TCTN3: variants seen among roughly 807,000 people sequenced by gnomAD.
TCTN3 encodes tectonic family member 3, also known as tectonic-3.
Under a neutral mutation model 71.3 loss-of-function variants are expected in TCTN3, and 57 were observed. The ratio of observed to expected loss-of-function variants is 0.80; its 90% CI spans 0.65 to 1.00. The LOEUF is 1.00. Among genes scored for constraint, TCTN3 ranks in the 50% least tolerant of loss-of-function variants. The pLI is 0.00. For missense variants in TCTN3, 696 were observed against 719.9 expected, an observed-to-expected ratio of 0.97 and a Z score of 0.38; for synonymous variants, 258 against 267.8, an observed-to-expected ratio of 0.96 and a Z score of 0.36.
chr10:95,670,728 ACACGGCT>A (rs1372587118), intron 13 of TCTN3, among the ~76,000 whole-genome samples: 1 of 151,666 alleles, frequency 6.6e-6, no homozygotes, highest in Non-Finnish European at 1.5e-5. Flanking sequence ...AGTGGTACAA[ACACGGCT>A]CACTGCACCC....
At chr10:95,688,731 C>A (rs1170710876) in intron 3 of TCTN3, among the ~76,000 whole-genome samples, 3 of 152,138 alleles carry the variant, frequency 2.0e-5, no homozygotes. Flanking sequence ...TGGAAGAATT[C>A]TCTAATTTCT....
At chr10:95,690,714 T>C (rs1309553615) in intron 3 of TCTN3, among the ~76,000 whole-genome samples, 1 of 152,218 alleles carries the variant, frequency 6.6e-6, no homozygotes, top group South Asian at 2.1e-4. Context: ...AGCTGGATGT[T>C]ATTTTATGGA....
At chr10:95,693,125 T>C in intron 2 of TCTN3, 87 bp from the exon 3 acceptor site, 1 of 1,241,144 alleles carries the variant, frequency 8.1e-7, no homozygotes, top group Non-Finnish European at 1.1e-6. Flanking sequence ...GGCCAGATGA[T>C]GCCAAAGAGG....
chr10:95,689,734 A>G (rs2097951904), intron 3 of TCTN3, among the ~76,000 whole-genome samples: 1 of 152,232 alleles, frequency 6.6e-6, no homozygotes, highest in Non-Finnish European at 1.5e-5. Context: ...TTACACCTAA[A>G]AGAGCTTAAA....
rs528455101 is a variant in TCTN3, at chr10:95,691,085, G to A, written c.499+1835C>T. ...CAGGAGTGGGGATCAAAAGCAGGGA[G>A]CACCAGGTAGGTGCCATTGCAATAA... is the stretch of plus-strand genomic sequence containing the variant. On this transcript the variant is annotated intron_variant, in intron 3 of 13. Transcript: ENST00000371217. Among the ~76,000 whole-genome samples the A allele has an allele frequency of 6.8e-4, 104 of 152,308 alleles. 1 individual carries two copies. Among genetic ancestry groups the A allele is most frequent in the African/African-American group, 2.4e-3 (99 of 41,560 alleles).
intron 3 of TCTN3, 51 bp from the exon 4 acceptor site, chr10:95,687,770 A>G: frequency 6.4e-7 from 1 of 1,573,176 alleles, no homozygotes; most frequent in Non-Finnish European, 8.6e-7. Context: ...AAAACATGCC[A>G]AGTAACTAAT....
At chr10:95,686,334 A>G (rs1342606140) in intron 7 of TCTN3, among the ~76,000 whole-genome samples, 161 bp downstream of exon 7, 1 of 152,260 alleles carries the variant, frequency 6.6e-6, no homozygotes, top group Non-Finnish European at 1.5e-5. Flanking sequence ...TATTAACTGT[A>G]TAGGACGTAC....
intron 13 of TCTN3, among the ~76,000 whole-genome samples, chr10:95,679,093 T>C (rs1267968597): frequency 2.0e-5 from 3 of 152,220 alleles, no homozygotes; most frequent in Admixed American, 2.0e-4. Flanking sequence ...TCTCGCCCAC[T>C]TAGGCCAGTT....
chr10:95,687,329 GAAGT>G lies in TCTN3; in HGVS notation c.650_653del (p.Tyr217SerfsTer6), dbSNP rs749018985. The G allele has an allele frequency of 3.7e-6, 6 of 1,613,810 alleles. No homozygotes were observed. Among genetic ancestry groups the G allele is most frequent in the African/African-American group, 1.3e-5 (1 of 74,916 alleles). On this transcript the variant is annotated frameshift_variant, in exon 5 of 14. Transcript: ENST00000371217. LOFTEE classifies it high-confidence loss of function. ...GCAAGCTTATTACAGACCACTTGGG[GAAGT>G]AAGTAAGAATGGGGTCCCCAGCCTG...
At chr10:95,686,983 G>A in intron 6 of TCTN3, 61 bp downstream of exon 6, 1 of 1,399,452 alleles carries the variant, frequency 7.1e-7, no homozygotes, top group Non-Finnish European at 1.0e-6. Context: ...CCACAACAGT[G>A]AGAAGCATGT....
At chr10:95,671,736 G>T (rs528729360) in intron 13 of TCTN3, among the ~76,000 whole-genome samples, 1 of 152,178 alleles carries the variant, frequency 6.6e-6, no homozygotes, top group African/African-American at 2.4e-5. Context: ...AGACTCAGGC[G>T]TGTGCCACCT....
At chr10:95,680,759 C>A in intron 12 of TCTN3, 150 bp from the exon 13 acceptor site, 3 of 742,082 alleles carry the variant, frequency 4.0e-6, no homozygotes, top group Non-Finnish European at 6.1e-6. Context: ...CACAATAAGA[C>A]TATGTTATTA....
chr10:95,673,691 T>C lies in TCTN3; in HGVS notation c.1590+6781A>G, dbSNP rs1026436458. On this transcript the variant is annotated intron_variant, in intron 13 of 13. Transcript: ENST00000371217. ...GACTTCATCTCAACAAAATATTAAA[T>C]AGTTGGGCATGGTGGCATGTGCCTG... Among the ~76,000 whole-genome samples the C allele has an allele frequency of 4.6e-5, 7 of 151,918 alleles. No individual in the cohort carries two copies. In the East Asian group the frequency reaches 1.4e-3, roughly 29 times the overall value.
At chr10:95,673,732 C>T (rs776236513) in intron 13 of TCTN3, among the ~76,000 whole-genome samples, 1 of 152,040 alleles carries the variant, frequency 6.6e-6, no homozygotes, top group African/African-American at 2.4e-5. Flanking sequence ...CTAGCTACCT[C>T]GGGAGGCTGA....
intron 10 of TCTN3, 107 bp downstream of exon 10, chr10:95,683,415 T>A (rs1328064830): frequency 6.3e-7 from 1 of 1,582,148 alleles, no homozygotes; most frequent in Non-Finnish European, 8.6e-7. Context: ...TACCTCATTA[T>A]AATGAACAAA....
Position 95,693,675 on chromosome 10 carries a change from G to A in TCTN3, c.225C>T (p.Ala75=). Residue 75 remains alanine, a synonymous_variant, in exon 1 of 14, where the codon GCC becomes GCT. Coordinates refer to ENST00000371217, the MANE Select transcript of TCTN3 (RefSeq NM_015631.6). ...TVVPTLVTPS[A]PGNRTVDLFP... ...AGAGGTCCACAGTCCTATTCCCAGG[G>A]GCCGAGGGAGTCACGAGAGTAGGGA... is the stretch of plus-strand genomic sequence containing the variant. 1 of 1,551,672 alleles carries A rather than the reference G, an allele frequency of 6.4e-7. No individual in the cohort carries two copies. Among genetic ancestry groups the A allele is most frequent in the Non-Finnish European group, 8.7e-7 (1 of 1,146,990 alleles).
In TCTN3 at chr10:95,687,130, T is replaced by C. The variant is rs780438906; in HGVS notation, c.766A>G (p.Thr256Ala). 2.2e-5 allele frequency: 36 copies of C among 1,613,944 alleles called. No individual in the cohort carries two copies. The highest frequency in any genetic ancestry group is 2.9e-5 in the Non-Finnish European group (34 of 1,179,994). The change falls in exon 6 of 14, where the codon ACT (threonine) becomes GCT (alanine). Residue 256 changes from threonine (T) to alanine (A), a missense_variant. Thr to Ala is a moderately conservative substitution (Grantham distance 58). Transcript: ENST00000371217. ...CTAGCCAGGTTCTTGAAAAAACGAGTGCAAGTTGTACTTTTACTCTCTAGG... is the reference window on the plus strand; with the variant it reads ...CTAGCCAGGTTCTTGAAAAAACGAGCGCAAGTTGTACTTTTACTCTCTAGG... Reference protein sequence around the residue: ...GFLESKSTTCTRFFKNLASSC... With the variant: ...GFLESKSTTCARFFKNLASSC...
Position 95,675,854 on chromosome 10 carries a change from G to A in TCTN3, c.1590+4618C>T, listed in dbSNP as rs1446245359. 5.3e-5 allele frequency among the ~76,000 whole-genome samples: 8 copies of A among 152,204 alleles called. 1 individual carries two copies. The highest frequency in any genetic ancestry group is 4.6e-4 in the Admixed American group (7 of 15,276). On this transcript the variant is annotated intron_variant, in intron 13 of 13. Coordinates refer to ENST00000371217, the MANE Select transcript of TCTN3 (RefSeq NM_015631.6). Reference sequence around the variant, plus strand: ...CCTTATCTTTCCTAGTATGCTGCCTGTTTAATTACAAGATTGTGGCAGAGG... The same window carrying A: ...CCTTATCTTTCCTAGTATGCTGCCTATTTAATTACAAGATTGTGGCAGAGG...
At chr10:95,671,706 T>C (rs1416346221) in intron 13 of TCTN3, among the ~76,000 whole-genome samples, 1 of 152,194 alleles carries the variant, frequency 6.6e-6, no homozygotes, top group Non-Finnish European at 1.5e-5. Context: ...TATAAGAACT[T>C]TATCAGACAC....
Sources: gnomAD v4.1 joint callset for allele counts (sites outside exome capture counted in the v4.1 genomes callset) on GRCh38, gnomAD v4.1.1 for gene constraint, MANE v1.5 for transcripts, NCBI Gene and HGNC (gene_info 2026-07-23, HGNC 2026-07-21) for gene names.